Variants in PCCA observed in about 807,000 individuals in gnomAD.
PCCA encodes propionyl-CoA carboxylase subunit alpha.
Under a neutral mutation model 101.3 loss-of-function variants are expected in PCCA, and 74 were observed. The observed-to-expected ratio is 0.73, with a 90% confidence interval of 0.61 to 0.89. PCCA has a LOEUF of 0.89. Ranked by LOEUF, PCCA falls within the 40% of genes least tolerant of loss-of-function variation. The pLI is 0.00. For missense variants in PCCA, 891 were observed against 907.0 expected, an observed-to-expected ratio of 0.98 and a Z score of 0.23; for synonymous variants, 294 against 313.6, an observed-to-expected ratio of 0.94 and a Z score of 0.66.
At chr13:100,229,185 A>T (rs1188618593) in intron 7 of PCCA, among the ~76,000 whole-genome samples, 2 of 152,168 alleles carry the variant, frequency 1.3e-5, no homozygotes, top group Non-Finnish European at 2.9e-5. Flanking sequence ...TGGAAGTTGC[A>T]TGATGTGGTG....
intron 19 of PCCA, among the ~76,000 whole-genome samples, chr13:100,403,851 G>T (rs1429121486): frequency 6.6e-6 from 1 of 152,112 alleles, no homozygotes; most frequent in Non-Finnish European, 1.5e-5. Context: ...TGCAAACACT[G>T]CGAACTTCCT....
chr13:100,515,400 A>G (rs1453685548), intron 21 of PCCA, 27 bp from the exon 22 acceptor site: 2 of 1,609,444 alleles, frequency 1.2e-6, no homozygotes, highest in East Asian at 2.2e-5. Flanking sequence ...AAACTCATTT[A>G]TGGTTTGGTT....
intron 1 of PCCA, among the ~76,000 whole-genome samples, chr13:100,094,015 G>C (rs1279070504): frequency 6.6e-6 from 1 of 152,038 alleles, no homozygotes; most frequent in Non-Finnish European, 1.5e-5. Flanking sequence ...GATCACCTGA[G>C]GTCGGGAGTT....
At chr13:100,171,485 C>G (rs2055633456) in intron 6 of PCCA, among the ~76,000 whole-genome samples, 1 of 152,212 alleles carries the variant, frequency 6.6e-6, no homozygotes, top group Non-Finnish European at 1.5e-5. Context: ...CCCCACTCCA[C>G]TTCCACATTC....
chr13:100,190,886 A>G (rs902209974), intron 6 of PCCA, among the ~76,000 whole-genome samples: 1 of 152,158 alleles, frequency 6.6e-6, no homozygotes, highest in African/African-American at 2.4e-5. Context: ...TCATGAGGTC[A>G]GGAATTCGAG....
chr13:100,250,939 C>T (rs553761209), intron 8 of PCCA, among the ~76,000 whole-genome samples: 3 of 152,020 alleles, frequency 2.0e-5, no homozygotes, highest in South Asian at 2.1e-4. Context: ...TTTCATTATA[C>T]GTCTATGGTT....
chr13:100,173,679 A>G (rs2055944377), intron 6 of PCCA, among the ~76,000 whole-genome samples: 1 of 152,182 alleles, frequency 6.6e-6, no homozygotes, highest in Admixed American at 6.5e-5. Flanking sequence ...TCAGGTTTCT[A>G]GTAAACTTAA....
chr13:100,459,347 C>G (rs1248131625), intron 21 of PCCA, among the ~76,000 whole-genome samples: 1 of 152,184 alleles, frequency 6.6e-6, no homozygotes, highest in African/African-American at 2.4e-5. Context: ...GCCTACTTGA[C>G]ACACATGTAA....
chr13:100,100,347 T>A (rs1454775325), intron 1 of PCCA, among the ~76,000 whole-genome samples: 1 of 151,972 alleles, frequency 6.6e-6, no homozygotes, highest in South Asian at 2.1e-4. Context: ...TACTGGGGAG[T>A]CATTTTGCAC....
intron 16 of PCCA, among the ~76,000 whole-genome samples, chr13:100,318,453 G>T (rs2067627540): frequency 6.6e-6 from 1 of 151,586 alleles, no homozygotes; most frequent in Non-Finnish European, 1.5e-5. Flanking sequence ...TTTACATTAG[G>T]TATATCTCCT....
chr13:100,470,466 A>G lies in PCCA; in HGVS notation c.1899+21161A>G, dbSNP rs568357440. On this transcript the variant is annotated intron_variant, in intron 21 of 23. Coordinates refer to ENST00000376285, the MANE Select transcript of PCCA (RefSeq NM_000282.4). Reference sequence around the variant, plus strand: ...TCAACACATTCCATGTGCATCTTCTATCCTTGGGTTTAATGTTGCTAAATG... The same window carrying G: ...TCAACACATTCCATGTGCATCTTCTGTCCTTGGGTTTAATGTTGCTAAATG... 3.3e-5 allele frequency among the ~76,000 whole-genome samples: 5 copies of G among 152,156 alleles called. No individual in the cohort carries two copies. The South Asian group carries it at 1.0e-3, about 32-fold the overall frequency.
At chr13:100,099,388 GCTCACTACAAC>G (rs1253012536) in intron 1 of PCCA, among the ~76,000 whole-genome samples, 2 of 150,026 alleles carry the variant, frequency 1.3e-5, no homozygotes, top group Non-Finnish European at 3.0e-5. Flanking sequence ...CGTGATCTCG[GCTCACTACAAC>G]CTCTGCCTCC....
intron 8 of PCCA, among the ~76,000 whole-genome samples, chr13:100,247,961 C>T (rs2061543193): frequency 6.6e-6 from 1 of 152,038 alleles, no homozygotes; most frequent in Admixed American, 6.6e-5. Flanking sequence ...AACATAATGA[C>T]CAATTTTTGT....
chr13:100,257,811 A>G, intron 9 of PCCA, 138 bp downstream of exon 9: 2 of 690,264 alleles, frequency 2.9e-6, no homozygotes, highest in Non-Finnish European at 5.3e-6. Flanking sequence ...TGAATGGGAA[A>G]AAGATTGAAA....
chr13:100,323,415 G>A (rs1354598791), intron 16 of PCCA, among the ~76,000 whole-genome samples: 4 of 151,764 alleles, frequency 2.6e-5, no homozygotes, highest in Non-Finnish European at 5.9e-5. Context: ...TTCACCTCCC[G>A]GCTTCAAGCG....
At chr13:100,444,202 ATTTT>A (rs60275166) in intron 20 of PCCA, among the ~76,000 whole-genome samples, 2 of 120,750 alleles carry the variant, frequency 1.7e-5, no homozygotes, top group Admixed American at 8.5e-5. Flanking sequence ...TCAGCCCACA[ATTTT>A]TTTTTTTTTT....
chr13:100,089,289 G>A lies in PCCA; in HGVS notation c.105+64G>A. The A allele has an allele frequency of 2.2e-6, 3 of 1,358,696 alleles. No individual in the cohort carries two copies. In the South Asian group the frequency reaches 5.5e-5, roughly 25 times the overall value. The allele number at this position is 1,358,696 out of a possible 1,614,324, so 84.2% of individuals were successfully genotyped here. ...GGGCTTCTAGCCGTGCCGCCTCTGGGCGGCTGGCGCCGGGAGAGCGCTGGC... is the reference window on the plus strand; with the variant it reads ...GGGCTTCTAGCCGTGCCGCCTCTGGACGGCTGGCGCCGGGAGAGCGCTGGC... On this transcript the variant is annotated intron_variant, in intron 1 of 23. Transcript: ENST00000376285.
At chr13:100,156,640 A>G (rs1222364510) in intron 5 of PCCA, among the ~76,000 whole-genome samples, 1 of 152,176 alleles carries the variant, frequency 6.6e-6, no homozygotes, top group Non-Finnish European at 1.5e-5. Flanking sequence ...GAGGAAGGAA[A>G]GAAGAGTAGA....
chr13:100,491,218 A>T (rs2084882012), intron 21 of PCCA: 1 of 156,432 alleles, frequency 6.4e-6, no homozygotes, highest in South Asian at 1.8e-4. Context: ...TAAAGGAAGG[A>T]AATGTATGTT....
Sources: gnomAD v4.1 joint callset for allele counts (sites outside exome capture counted in the v4.1 genomes callset) on GRCh38, gnomAD v4.1.1 for gene constraint, MANE v1.5 for transcripts, NCBI Gene and HGNC (gene_info 2026-07-23, HGNC 2026-07-21) for gene names.